The following ITSN1 variants were observed in gnomAD, a reference collection of about 807,000 sequenced individuals.
ITSN1 encodes intersectin 1.
ITSN1 carries 58 observed loss-of-function variants against 239.8 expected under a neutral mutation model. That is an observed-to-expected ratio of 0.24 (90% CI 0.20 to 0.30). The LOEUF (loss-of-function observed/expected upper bound fraction) is 0.30, where lower values mean the gene tolerates loss of function less well. Ranked by LOEUF, ITSN1 falls within the 10% of genes least tolerant of loss-of-function variation. ITSN1 has a pLI of 1.00. For missense variants in ITSN1, 1,558 were observed against 2,103.3 expected (o/e 0.74, Z 5.07); for synonymous variants, 780 against 770.8 (o/e 1.01, Z -0.20).
At chr21:33,859,994 G>A (rs566776981) in intron 31 of ITSN1, among the ~76,000 whole-genome samples, 11 of 152,286 alleles carry the variant, frequency 7.2e-5, no homozygotes, top group African/African-American at 2.4e-4. Context: ...TTTGGTCCCT[G>A]GGCCTCAGTG....
intron 22 of ITSN1, 112 bp from the exon 23 acceptor site, chr21:33,818,155 C>T (rs1212080388): frequency 1.3e-6 from 1 of 791,444 alleles, no homozygotes; most frequent in Non-Finnish European, 2.1e-6. Context: ...CCCTTTGTGG[C>T]TGTGTGTGCT....
At chr21:33,728,053 C>T (rs2065937408) in intron 4 of ITSN1, among the ~76,000 whole-genome samples, 1 of 151,504 alleles carries the variant, frequency 6.6e-6, no homozygotes, top group Non-Finnish European at 1.5e-5. Flanking sequence ...CAACCTCTGT[C>T]TCCCGGGTCT....
chr21:33,807,967 T>C (rs932977841), intron 20 of ITSN1, among the ~76,000 whole-genome samples: 2 of 141,922 alleles, frequency 1.4e-5, no homozygotes, highest in African/African-American at 5.2e-5. Context: ...GGGTGGATCA[T>C]GAGGTCAGGA....
chr21:33,778,779 C>T lies in ITSN1; in HGVS notation c.1597-2682C>T, dbSNP rs1179328709. 1.5e-4 allele frequency among the ~76,000 whole-genome samples: 21 copies of T among 141,222 alleles called. 1 individual carries two copies. The East Asian group carries it at 3.1e-3, about 21-fold the overall frequency. 92.6% of individuals were successfully genotyped at this position (141,222 alleles called of 152,430 possible). ...ATTTTTAGTAGAGACGGGGTTTCAC[C>T]GTTTTAGCCGGGATGGTCTCGATCT... On this transcript the variant is annotated intron_variant, in intron 14 of 39. Transcript: ENST00000381318.
At chr21:33,697,429 GACA>G (rs2091846420) in intron 1 of ITSN1, among the ~76,000 whole-genome samples, 1 of 151,786 alleles carries the variant, frequency 6.6e-6, no homozygotes, top group South Asian at 2.1e-4. Context: ...TTACACAGAT[GACA>G]ACATTTTGTT....
chr21:33,731,273 T>C (rs544998842), intron 4 of ITSN1, among the ~76,000 whole-genome samples: 1 of 152,326 alleles, frequency 6.6e-6, no homozygotes, highest in East Asian at 1.9e-4. Context: ...TGGATATTCC[T>C]GTTTCTCACC....
At chr21:33,778,667 C>T (rs1295975431) in intron 14 of ITSN1, among the ~76,000 whole-genome samples, 4 of 135,010 alleles carry the variant, frequency 3.0e-5, no homozygotes, top group African/African-American at 6.7e-5. Flanking sequence ...CAAGCTCCGC[C>T]TCCCGGGTTC....
chr21:33,719,229 T>C (rs2065342421), intron 2 of ITSN1, among the ~76,000 whole-genome samples: 1 of 152,116 alleles, frequency 6.6e-6, no homozygotes, highest in Non-Finnish European at 1.5e-5. Flanking sequence ...TCACCTGAGG[T>C]CTGGAGTTCA....
intron 21 of ITSN1, among the ~76,000 whole-genome samples, chr21:33,813,059 G>A (rs1222841915): frequency 3.9e-5 from 6 of 152,116 alleles, no homozygotes; most frequent in African/African-American, 1.4e-4. Flanking sequence ...GGGCTTTGCA[G>A]TTACAGAGTA....
At position 33,744,012 on chromosome 21, in the gene ITSN1, G is replaced by C. The variant is rs146885226; in HGVS notation, c.347-6131G>C. ...GAATGTGCTTCAGACAATCAAAATA[G>C]CTAGACCTAGGTCATCATAAGGACT... On this transcript the variant is annotated intron_variant, in intron 5 of 39. Transcript: ENST00000381318. Among the ~76,000 whole-genome samples the C allele has an allele frequency of 9.4e-3, 1,432 of 152,278 alleles. 17 individuals are homozygous for C. Among genetic ancestry groups the C allele is most frequent in the South Asian group, 0.038 (184 of 4,830 alleles).
At chr21:33,659,889 T>G (rs1032523673) in intron 1 of ITSN1, among the ~76,000 whole-genome samples, 1 of 150,970 alleles carries the variant, frequency 6.6e-6, no homozygotes, top group South Asian at 2.1e-4. Context: ...CTGGCTAATT[T>G]AAAAAAAAAT....
chr21:33,779,868 G>A (rs2070006873), intron 14 of ITSN1, among the ~76,000 whole-genome samples: 2 of 151,876 alleles, frequency 1.3e-5, no homozygotes, highest in Admixed American at 1.3e-4. Context: ...AAGTCTCACT[G>A]TTGCCCAGGC....
chr21:33,719,104 G>A (rs1267488398), intron 2 of ITSN1, among the ~76,000 whole-genome samples: 1 of 152,066 alleles, frequency 6.6e-6, no homozygotes, highest in African/African-American at 2.4e-5. Flanking sequence ...ATAAGAAAAC[G>A]TTTAAAGACA....
chr21:33,747,743 A>G (rs1001202205), intron 5 of ITSN1, among the ~76,000 whole-genome samples: 1 of 152,258 alleles, frequency 6.6e-6, no homozygotes, highest in African/African-American at 2.4e-5. Context: ...CTATCATTTA[A>G]AAATGAAGGT....
At chr21:33,741,812 G>A (rs940747383) in intron 5 of ITSN1, among the ~76,000 whole-genome samples, 2 of 146,050 alleles carry the variant, frequency 1.4e-5, no homozygotes, top group African/African-American at 2.5e-5. Flanking sequence ...GGAGAATGGC[G>A]TGAACCCTGG....
chr21:33,824,411 C>T (rs2073866262), intron 25 of ITSN1, among the ~76,000 whole-genome samples: 1 of 151,732 alleles, frequency 6.6e-6, no homozygotes, highest in Admixed American at 6.6e-5. Flanking sequence ...AGATCCAATG[C>T]ACATTTAAAA....
At chr21:33,762,353 A>G (rs1602079028) in intron 9 of ITSN1, among the ~76,000 whole-genome samples, 1 of 148,352 alleles carries the variant, frequency 6.7e-6, no homozygotes, top group African/African-American at 2.5e-5. Flanking sequence ...CGCAACCTCC[A>G]CCTCCCGGGT....
intron 29 of ITSN1, among the ~76,000 whole-genome samples, chr21:33,848,778 CG>C (rs1267539479): frequency 1.3e-5 from 2 of 152,208 alleles, no homozygotes; most frequent in Non-Finnish European, 2.9e-5. Context: ...TCCACGCCCC[CG>C]ACTCCAATTT....
chr21:33,671,791 C>CAAATAAAT (rs376876540), intron 1 of ITSN1, among the ~76,000 whole-genome samples: 12 of 151,694 alleles, frequency 7.9e-5, no homozygotes, highest in Middle Eastern at 6.9e-3. Flanking sequence ...GACTCCGTCT[C>CAAATAAAT]AAATAAATAA....
Sources: allele counts gnomAD v4.1 joint callset (sites outside exome capture counted in the v4.1 genomes callset), GRCh38; gene constraint gnomAD v4.1.1; transcripts MANE v1.5; gene names NCBI Gene and HGNC (gene_info 2026-07-23, HGNC 2026-07-21).